ASCC1: variants seen among roughly 807,000 people sequenced by gnomAD.
ASCC1 encodes the protein activating signal cointegrator 1 complex subunit 1.
In ASCC1, 35 loss-of-function variants were observed where a neutral mutation model predicts 46.6. That is an observed-to-expected ratio of 0.75 (90% CI 0.57 to 0.99). ASCC1 has a LOEUF of 0.99. Among genes scored for constraint, ASCC1 ranks in the 50% least tolerant of loss-of-function variants. ASCC1 has a pLI of 0.00. For missense variants in ASCC1, 376 were observed against 428.7 expected, an observed-to-expected ratio of 0.88 and a Z score of 1.09; for synonymous variants, 143 against 146.6, an observed-to-expected ratio of 0.98 and a Z score of 0.18.
chr10:72,098,458 C>G (rs1244669318), intron 9 of ASCC1, among the ~76,000 whole-genome samples: 1 of 152,254 alleles, frequency 6.6e-6, no homozygotes, highest in Admixed American at 6.5e-5. Context: ...CTCCTAAACT[C>G]AGGCAATCCT....
chr10:72,103,129 GT>G (rs975348432), intron 9 of ASCC1, among the ~76,000 whole-genome samples: 70 of 150,298 alleles, frequency 4.7e-4, no homozygotes, highest in African/African-American at 1.5e-3. Flanking sequence ...TAGATACTAT[GT>G]TTTTTTTTCC....
chr10:72,137,452 C>T (rs542746976), intron 7 of ASCC1, among the ~76,000 whole-genome samples: 35 of 144,662 alleles, frequency 2.4e-4, no homozygotes, highest in African/African-American at 8.3e-4. Context: ...AGCTTGAACA[C>T]GTGAGGCGGA....
chr10:72,155,561 C>T (rs1488287682), intron 6 of ASCC1, among the ~76,000 whole-genome samples: 1 of 152,078 alleles, frequency 6.6e-6, no homozygotes, highest in Non-Finnish European at 1.5e-5. Flanking sequence ...TAAATTACAC[C>T]TCAAAGGAAA....
At chr10:72,168,590 C>G (rs1488345441) in intron 5 of ASCC1, among the ~76,000 whole-genome samples, 1 of 152,148 alleles carries the variant, frequency 6.6e-6, no homozygotes, top group Non-Finnish European at 1.5e-5. Context: ...GAATTGTGTG[C>G]CCCCCAAATT....
intron 9 of ASCC1, chr10:72,102,418 GCA>G: frequency 6.5e-7 from 1 of 1,548,742 alleles, no homozygotes; most frequent in East Asian, 2.4e-5. Flanking sequence ...GACACCTGTA[GCA>G]CAGTTAAGTG....
At chr10:72,166,501 C>CAAAAAAA (rs769084089) in intron 5 of ASCC1, among the ~76,000 whole-genome samples, 1 of 113,526 alleles carries the variant, frequency 8.8e-6, no homozygotes. Context: ...TTTTTCTCTA[C>CAAAAAAA]AAAAAAAAAA....
At chr10:72,169,848 G>A (rs904700138) in intron 5 of ASCC1, among the ~76,000 whole-genome samples, 26 of 152,322 alleles carry the variant, frequency 1.7e-4, no homozygotes, top group East Asian at 1.4e-3. Flanking sequence ...GGCCGGGCGT[G>A]GTGGCTCACG....
intron 3 of ASCC1, among the ~76,000 whole-genome samples, chr10:72,203,798 A>G (rs2133383856): frequency 6.6e-6 from 1 of 152,318 alleles, no homozygotes; most frequent in South Asian, 2.1e-4. Flanking sequence ...AATGAGATTT[A>G]AAATCTGGGT....
chr10:72,206,814 G>C (rs1232374338), intron 3 of ASCC1, among the ~76,000 whole-genome samples: 1 of 152,086 alleles, frequency 6.6e-6, no homozygotes, highest in Non-Finnish European at 1.5e-5. Flanking sequence ...AGGTTGCCAG[G>C]TGATGGCTGC....
intron 5 of ASCC1, among the ~76,000 whole-genome samples, chr10:72,164,830 A>G (rs1850142838): frequency 6.6e-6 from 1 of 152,218 alleles, no homozygotes; most frequent in African/African-American, 2.4e-5. Context: ...TTGTGGGTAT[A>G]AAGTGGTATT....
chr10:72,208,785 T>TTG (rs879575195), intron 3 of ASCC1, among the ~76,000 whole-genome samples: 77 of 148,080 alleles, frequency 5.2e-4, no homozygotes, highest in East Asian at 1.6e-3. Context: ...GTGTGTGTGT[T>TTG]TGTGTGTGTG....
chr10:72,161,177 G>A (rs1779857695), intron 6 of ASCC1, among the ~76,000 whole-genome samples: 1 of 149,908 alleles, frequency 6.7e-6, no homozygotes, highest in Non-Finnish European at 1.5e-5. Flanking sequence ...TCCAGCCTGG[G>A]CGACAGGAAA....
chr10:72,096,144 A>G lies in ASCC1; in HGVS notation c.*1190T>C. On this transcript the variant is annotated 3_prime_UTR_variant, in exon 10 of 10. Coordinates refer to ENST00000672957, the MANE Select transcript of ASCC1 (RefSeq NM_001198800.3). ...TAACACAGAGTTCAGAAGTGCAGTTAAAGAATATAAAGAGAGAAAGAATCA... is the reference window on the plus strand; with the variant it reads ...TAACACAGAGTTCAGAAGTGCAGTTGAAGAATATAAAGAGAGAAAGAATCA... The G allele has an allele frequency of 2.2e-6, 1 of 454,150 alleles. No homozygotes were observed. The highest frequency in any genetic ancestry group is 4.4e-6 in the Non-Finnish European group (1 of 226,792). The allele number at this position is 454,150 out of a possible 1,614,324, so 28.1% of individuals were successfully genotyped here.
intron 6 of ASCC1, among the ~76,000 whole-genome samples, chr10:72,153,476 A>C (rs1848599761): frequency 1.3e-5 from 2 of 152,062 alleles, no homozygotes; most frequent in African/African-American, 4.8e-5. Context: ...CCCAGGCTGG[A>C]GTACAGTGGC....
chr10:72,215,864 C>G (rs547081137), intron 1 of ASCC1: 1 of 152,536 alleles, frequency 6.6e-6, no homozygotes, highest in African/African-American at 2.4e-5. Context: ...CCTGAATCAT[C>G]AAAGAGAAGG....
upstream of ASCC1, chr10:72,216,747 T>C: frequency 2.2e-6 from 1 of 450,106 alleles, no homozygotes; most frequent in South Asian, 1.6e-5. Flanking sequence ...GCATCTTAGC[T>C]CGGACACAGC....
chr10:72,168,428 T>C (rs1391276859), intron 5 of ASCC1, among the ~76,000 whole-genome samples: 5 of 152,226 alleles, frequency 3.3e-5, no homozygotes, highest in African/African-American at 1.2e-4. Flanking sequence ...CAATACACTC[T>C]GTTGGAGAGG....
chr10:72,154,026 T>C (rs1299808171), intron 6 of ASCC1, among the ~76,000 whole-genome samples: 6 of 152,152 alleles, frequency 3.9e-5, no homozygotes, highest in Non-Finnish European at 5.9e-5. Context: ...CAGCCTGATA[T>C]CACATCTTTA....
chr10:72,197,948 G>A (rs1329931714), intron 4 of ASCC1, among the ~76,000 whole-genome samples: 1 of 113,454 alleles, frequency 8.8e-6, no homozygotes, highest in Admixed American at 8.7e-5. Flanking sequence ...GTTGAACATA[G>A]ACTTACCATA....
Sources: gnomAD v4.1 joint callset for allele counts (sites outside exome capture counted in the v4.1 genomes callset) on GRCh38, gnomAD v4.1.1 for gene constraint, MANE v1.5 for transcripts, NCBI Gene and HGNC (gene_info 2026-07-23, HGNC 2026-07-21) for gene names.